CNTLN: variants seen among roughly 807,000 people sequenced by gnomAD.
CNTLN encodes centlein, centrosomal protein.
Under a neutral mutation model 180.0 loss-of-function variants are expected in CNTLN, and 212 were observed. The observed-to-expected ratio is 1.18, with a 90% confidence interval of 1.05 to 1.32. CNTLN has a LOEUF of 1.32. CNTLN is among the 40% of genes most tolerant of loss of function. The pLI is 0.00. For missense variants in CNTLN, 2,095 were observed against 1,610.9 expected, an observed-to-expected ratio of 1.30 and a Z score of -5.14; for synonymous variants, 722 against 563.1, an observed-to-expected ratio of 1.28 and a Z score of -3.99.
intron 25 of CNTLN, among the ~76,000 whole-genome samples, chr9:17,489,656 A>G (rs1833050344): frequency 6.6e-6 from 1 of 152,090 alleles, no homozygotes; most frequent in South Asian, 2.1e-4. Context: ...TCCATGTGGT[A>G]ATGTGGAACT....
chr9:17,473,434 C>A (rs376422369), intron 23 of CNTLN, among the ~76,000 whole-genome samples: 1 of 152,240 alleles, frequency 6.6e-6, no homozygotes, highest in East Asian at 1.9e-4. Flanking sequence ...AATGAACCAT[C>A]TGCATGCCCG....
intron 18 of CNTLN, among the ~76,000 whole-genome samples, chr9:17,423,001 G>A (rs1271109576): frequency 6.6e-6 from 1 of 152,218 alleles, no homozygotes; most frequent in Non-Finnish European, 1.5e-5. Context: ...GCTTAGGTAA[G>A]ATCCAGGAGA....
chr9:17,278,178 G>A (rs1828435065), intron 6 of CNTLN, among the ~76,000 whole-genome samples: 1 of 152,074 alleles, frequency 6.6e-6, no homozygotes, highest in African/African-American at 2.4e-5. Flanking sequence ...ATGAAATTCA[G>A]TCACAGCCAG....
chr9:17,452,051 C>T (rs1006151676), intron 18 of CNTLN, among the ~76,000 whole-genome samples: 11 of 152,194 alleles, frequency 7.2e-5, no homozygotes, highest in African/African-American at 2.7e-4. Context: ...TGTGCTACAA[C>T]TAGCAACATG....
chr9:17,359,470 A>G (rs569604263), intron 12 of CNTLN, among the ~76,000 whole-genome samples: 1 of 152,040 alleles, frequency 6.6e-6, no homozygotes, highest in Non-Finnish European at 1.5e-5. Flanking sequence ...TTTTCAGTAT[A>G]TATGTCCAGG....
chr9:17,479,221 T>C (rs1832510424), intron 23 of CNTLN, among the ~76,000 whole-genome samples: 1 of 152,298 alleles, frequency 6.6e-6, no homozygotes, highest in African/African-American at 2.4e-5. Context: ...GAAATCATGA[T>C]CTTGAATGGA....
rs4961441 is a variant in CNTLN at position 17,444,480 on chromosome 9, T to C, written c.3115-13044T>C. ...ACTGATTTATACATTGCAGTACTTA[T>C]GTATTCTTTGCTGTCACCCACTTCA... On this transcript the variant is annotated intron_variant, in intron 18 of 25. Coordinates refer to ENST00000380647, the MANE Select transcript of CNTLN (RefSeq NM_017738.4). Among the ~76,000 whole-genome samples, 5 of 152,260 alleles carry C rather than the reference T, an allele frequency of 3.3e-5. No individual in the cohort carries two copies. In the East Asian group the frequency reaches 9.7e-4, roughly 29 times the overall value.
intron 13 of CNTLN, among the ~76,000 whole-genome samples, chr9:17,368,471 C>G (rs1213748476): frequency 3.9e-5 from 6 of 152,170 alleles, no homozygotes; most frequent in Admixed American, 3.3e-4. Flanking sequence ...ACAGTCTGCT[C>G]TTTGCAGAGC....
intron 24 of CNTLN, among the ~76,000 whole-genome samples, chr9:17,485,424 T>G (rs1832843508): frequency 6.6e-6 from 1 of 152,106 alleles, no homozygotes; most frequent in Non-Finnish European, 1.5e-5. Context: ...AGTGGGTGAA[T>G]TCCCAGTTTC....
the CNTLN span, among the ~76,000 whole-genome samples, chr9:17,524,224 T>A: frequency 6.6e-6 from 1 of 152,216 alleles, no homozygotes; most frequent in East Asian, 1.9e-4. Flanking sequence ...TTAGTTATTA[T>A]AAGGGATTGG....
At chr9:17,371,534 T>TC (rs1290743611) in intron 13 of CNTLN, among the ~76,000 whole-genome samples, 2 of 152,076 alleles carry the variant, frequency 1.3e-5, no homozygotes, top group Non-Finnish European at 2.9e-5. Flanking sequence ...GGCTTTAGTA[T>TC]CCCACTTTCA....
At chr9:17,256,292 A>AAATGGT (rs1244343080) in intron 5 of CNTLN, among the ~76,000 whole-genome samples, 1 of 152,008 alleles carries the variant, frequency 6.6e-6, no homozygotes, top group African/African-American at 2.4e-5. Flanking sequence ...TTGCTGGATC[A>AAATGGT]AATGGTAGTT....
At chr9:17,240,760 T>A (rs1451866264) in intron 5 of CNTLN, among the ~76,000 whole-genome samples, 1 of 152,226 alleles carries the variant, frequency 6.6e-6, no homozygotes, top group Non-Finnish European at 1.5e-5. Flanking sequence ...TATGATCCCA[T>A]GTGTACATTT....
At chr9:17,245,088 C>T (rs916000679) in intron 5 of CNTLN, among the ~76,000 whole-genome samples, 6 of 152,150 alleles carry the variant, frequency 3.9e-5, no homozygotes, top group Admixed American at 3.9e-4. Context: ...ACTACAATTA[C>T]ACTTTTATAA....
At chr9:17,204,476 T>C (rs1042778936) in intron 2 of CNTLN, among the ~76,000 whole-genome samples, 2 of 152,160 alleles carry the variant, frequency 1.3e-5, no homozygotes, top group African/African-American at 4.8e-5. Flanking sequence ...GTCCAGACCC[T>C]GCTTGGCTGG....
rs976278085 is a variant in CNTLN at position 17,299,612 on chromosome 9, G to C, written c.1146+1260G>C. 5.1e-6 allele frequency: 5 copies of C among 985,216 alleles called. No individual in the cohort carries two copies. The African/African-American group carries it at 8.7e-5, about 17-fold the overall frequency. The allele number at this position is 985,216 out of a possible 1,614,324, so 61.0% of individuals were successfully genotyped here. A position where few individuals can be genotyped will look rare whatever the true frequency, so the allele number is the denominator to read the frequency against. On this transcript the variant is annotated intron_variant, in intron 7 of 25. Coordinates refer to ENST00000380647, the MANE Select transcript of CNTLN (RefSeq NM_017738.4). Reference sequence around the variant, plus strand: ...TTCCCAAGGACCTAGATGATAGCAAGCAGGAAGATACAGTCTTCCACTTCA... The same window carrying C: ...TTCCCAAGGACCTAGATGATAGCAACCAGGAAGATACAGTCTTCCACTTCA...
chr9:17,330,547 T>C, intron 8 of CNTLN, 85 bp from the exon 9 acceptor site: 1 of 724,134 alleles, frequency 1.4e-6, no homozygotes, highest in Non-Finnish European at 2.1e-6. Context: ...ATTTCTATAA[T>C]ATAGTGTTAC....
the CNTLN span, among the ~76,000 whole-genome samples, chr9:17,522,978 C>CA: frequency 1.3e-5 from 2 of 151,958 alleles, no homozygotes; most frequent in African/African-American, 4.8e-5. Flanking sequence ...TTTTGGGCTC[C>CA]AAAAAACTCC....
chr9:17,187,156 T>A (rs144493852), intron 2 of CNTLN, among the ~76,000 whole-genome samples: 38 of 152,272 alleles, frequency 2.5e-4, no homozygotes, highest in Non-Finnish European at 4.9e-4. Flanking sequence ...GCTTTGTTAC[T>A]TATTAGCTTT....
Sources: allele counts gnomAD v4.1 joint callset (sites outside exome capture counted in the v4.1 genomes callset), GRCh38; gene constraint gnomAD v4.1.1; transcripts MANE v1.5; gene names NCBI Gene and HGNC (gene_info 2026-07-23, HGNC 2026-07-21).